The following TMEM11 variants were observed in gnomAD, a reference collection of about 807,000 sequenced individuals.
TMEM11 encodes the protein transmembrane protein 11, mitochondrial.
A neutral mutation model predicts 17.0 loss-of-function variants in TMEM11; 1 was observed. That is an observed-to-expected ratio of 0.06 (90% CI 0.02 to 0.28). TMEM11 has a LOEUF of 0.28. Ranked by LOEUF, TMEM11 falls within the 10% of genes least tolerant of loss-of-function variation. The pLI is 1.00. For synonymous variants in TMEM11, 122 were observed against 118.1 expected, an observed-to-expected ratio of 1.03 and a Z score of -0.21; for missense variants, 172 against 252.9, an observed-to-expected ratio of 0.68 and a Z score of 2.17.
intron 1 of TMEM11, chr17:21,210,833 C>T: frequency 8.9e-7 from 1 of 1,128,256 alleles, no homozygotes; most frequent in South Asian, 1.6e-5. Context: ...GCATCTGGCC[C>T]TCTGCACACC....
chr17:21,208,821 A>C (rs1305497533), intron 1 of TMEM11, among the ~76,000 whole-genome samples: 1 of 152,230 alleles, frequency 6.6e-6, no homozygotes, highest in African/African-American at 2.4e-5. Context: ...GGACATTTGT[A>C]ATGATTACAG....
intron 1 of TMEM11, among the ~76,000 whole-genome samples, chr17:21,200,325 G>A (rs979884884): frequency 2.6e-5 from 4 of 152,220 alleles, no homozygotes; most frequent in African/African-American, 4.8e-5. Flanking sequence ...TTTCAGCTGA[G>A]ACAGATCTCT....
chr17:21,208,142 G>A (rs182285713), intron 1 of TMEM11, among the ~76,000 whole-genome samples: 2 of 151,056 alleles, frequency 1.3e-5, no homozygotes, highest in African/African-American at 4.9e-5. Context: ...ACAGGCAATC[G>A]CCACCACGCC....
Position 21,198,058 on chromosome 17 carries a change from TC to T in TMEM11, c.*265del. On this transcript the variant is annotated 3_prime_UTR_variant, in exon 2 of 2. Coordinates refer to ENST00000317635, the MANE Select transcript of TMEM11 (RefSeq NM_003876.3). The surrounding 1 kb of genome is among the most constrained non-coding windows in gnomAD (Gnocchi z 6.5). Reference sequence around the variant, plus strand: ...TCCCCCAAAGCACGTCCACACCCCCTCGGCAGCGTCTGCCTCCATCAGCATT... The same window carrying T: ...TCCCCCAAAGCACGTCCACACCCCCTGGCAGCGTCTGCCTCCATCAGCATT... 1 of 444,458 alleles carries T rather than the reference TC, an allele frequency of 2.2e-6. No individual in the cohort carries two copies. The highest frequency in any genetic ancestry group is 4.0e-6 in the Non-Finnish European group (1 of 250,130). The allele number at this position is 444,458 out of a possible 1,614,324, so 27.5% of individuals were successfully genotyped here.
chr17:21,206,227 G>A (rs576472262), intron 1 of TMEM11, among the ~76,000 whole-genome samples: 19 of 152,144 alleles, frequency 1.2e-4, no homozygotes, highest in Non-Finnish European at 2.2e-4. Flanking sequence ...GTTATTTTCC[G>A]TTTTCTTTTC....
intron 1 of TMEM11, chr17:21,208,349 T>C (rs1974967204): frequency 6.6e-6 from 1 of 152,028 alleles, no homozygotes; most frequent in South Asian, 2.1e-4. Flanking sequence ...AAAAGAAAAA[T>C]TCTGTTCAAC....
intron 1 of TMEM11, chr17:21,213,874 G>A (rs920962008): frequency 8.5e-6 from 4 of 470,924 alleles, no homozygotes; most frequent in Admixed American, 7.6e-5. Flanking sequence ...TACTCAGCCC[G>A]GCTAACGCCC....
chr17:21,212,862 T>C (rs1975017430), intron 1 of TMEM11, among the ~76,000 whole-genome samples: 1 of 137,522 alleles, frequency 7.3e-6, no homozygotes, highest in Non-Finnish European at 1.6e-5. Flanking sequence ...CTTATTTAAA[T>C]GGTCCAATCT....
intron 1 of TMEM11, among the ~76,000 whole-genome samples, chr17:21,207,193 T>C (rs1184502825): frequency 6.6e-6 from 1 of 152,248 alleles, no homozygotes; most frequent in Non-Finnish European, 1.5e-5. Flanking sequence ...TTTTCACATA[T>C]TGTAAACATA....
chr17:21,205,064 CG>C (rs879290547), intron 1 of TMEM11, among the ~76,000 whole-genome samples: 1 of 152,180 alleles, frequency 6.6e-6, no homozygotes, highest in Admixed American at 6.6e-5. Context: ...AATCAGCTCT[CG>C]CAGTCAGCAA....
intron 1 of TMEM11, among the ~76,000 whole-genome samples, chr17:21,200,980 A>G (rs1206185615): frequency 6.6e-6 from 1 of 152,216 alleles, no homozygotes; most frequent in Non-Finnish European, 1.5e-5. Context: ...ATTCCAAGTG[A>G]AGGATGGTGG....
In TMEM11 at chr17:21,198,377, G is replaced by C; in HGVS notation, c.526C>G (p.Leu176Val). The C allele has an allele frequency of 6.2e-7, 1 of 1,614,248 alleles. No homozygotes were observed. The highest frequency in any genetic ancestry group is 1.1e-5 in the South Asian group (1 of 91,092). Residue 176 changes from leucine (L) to valine (V), a missense_variant, in exon 2 of 2, where the codon CTG becomes GTG. Around this residue, in one of 2 missense-constraint regions of TMEM11, gnomAD observed 123 missense variants for 213.6 expected, o/e 0.58. Coordinates refer to ENST00000317635, the MANE Select transcript of TMEM11 (RefSeq NM_003876.3). The surrounding 1 kb of genome is among the most constrained non-coding windows in gnomAD (Gnocchi z 6.5). ...TTTACACAGTACACCAGGGCGGCCA[G>C]TGCTATCGTGTTGTGCAGTCTCTTT... ...HRKRLHNTIA[L>V]AALVYCVKKI...
intron 1 of TMEM11, among the ~76,000 whole-genome samples, chr17:21,206,199 A>G (rs537442078): frequency 6.6e-6 from 1 of 152,136 alleles, no homozygotes; most frequent in African/African-American, 2.4e-5. Context: ...CCATTTCTCC[A>G]TATCCTCACC....
At chr17:21,205,992 A>G (rs1416688382) in intron 1 of TMEM11, among the ~76,000 whole-genome samples, 1 of 152,018 alleles carries the variant, frequency 6.6e-6, no homozygotes, top group Non-Finnish European at 1.5e-5. Flanking sequence ...GCTATTGTGA[A>G]TAATGCTGCT....
At chr17:21,205,309 A>G (rs1476314620) in intron 1 of TMEM11, among the ~76,000 whole-genome samples, 6 of 152,138 alleles carry the variant, frequency 3.9e-5, no homozygotes, top group Non-Finnish European at 8.8e-5. Flanking sequence ...CTCCTCCATT[A>G]GTGACATGAA....
At chr17:21,207,625 C>T (rs899575530) in intron 1 of TMEM11, among the ~76,000 whole-genome samples, 7 of 151,992 alleles carry the variant, frequency 4.6e-5, no homozygotes, top group South Asian at 2.1e-4. Flanking sequence ...CGGTGGCTCA[C>T]GCCTGTAATC....
rs1326257998 is a variant in TMEM11 at position 21,198,948 on chromosome 17, C to T, written c.63-108G>A. The T allele has an allele frequency of 4.0e-5, 49 of 1,211,500 alleles. No individual in the cohort carries two copies. Among genetic ancestry groups the T allele is most frequent in the South Asian group, 2.9e-4 (19 of 66,308 alleles). The allele number at this position is 1,211,500 out of a possible 1,614,324, so 75.0% of individuals were successfully genotyped here. A position where few individuals can be genotyped will look rare whatever the true frequency, so the allele number is the denominator to read the frequency against. ...CTGGGGGAGGTCTGAGCCTGCACTG[C>T]GGAGAGCACATCTCACTTGGGTCCT... On this transcript the variant is annotated intron_variant, in intron 1 of 1. Transcript: ENST00000317635. The surrounding 1 kb of genome is among the most constrained non-coding windows in gnomAD (Gnocchi z 6.5).
intron 1 of TMEM11, among the ~76,000 whole-genome samples, chr17:21,201,143 G>C (rs910728912): frequency 6.6e-6 from 1 of 152,194 alleles, no homozygotes; most frequent in Non-Finnish European, 1.5e-5. Flanking sequence ...ACTAGTTAAC[G>C]ATCTCATGTG....
chr17:21,199,364 A>G (rs1214044098), intron 1 of TMEM11, among the ~76,000 whole-genome samples: 2 of 151,560 alleles, frequency 1.3e-5, no homozygotes, highest in East Asian at 1.9e-4. Flanking sequence ...AAAGGCAGGA[A>G]AAGCAGTGCC....
Sources: gnomAD v4.1 joint callset for allele counts (sites outside exome capture counted in the v4.1 genomes callset) on GRCh38, gnomAD v4.1.1 for gene constraint, gnomAD v4.1.1 regional missense constraint, Gnocchi (gnomAD v3.1) non-coding constraint, MANE v1.5 for transcripts, NCBI Gene and HGNC (gene_info 2026-07-23, HGNC 2026-07-21) for gene names.